AGPAT5: variants seen among roughly 807,000 people sequenced by gnomAD.
AGPAT5 encodes 1-acyl-sn-glycerol-3-phosphate acyltransferase epsilon.
Under a neutral mutation model 45.6 loss-of-function variants are expected in AGPAT5, and 46 were observed. The ratio of observed to expected loss-of-function variants is 1.01; its 90% confidence interval spans 0.80 to 1.29. The LOEUF is 1.29. Among genes scored for constraint, AGPAT5 ranks in the 50% most tolerant of loss-of-function variants. The pLI, the probability that AGPAT5 is intolerant of heterozygous loss-of-function variation, is 0.00. For synonymous variants in AGPAT5, 272 were observed against 167.0 expected (o/e 1.63, Z -4.85); for missense variants, 673 against 450.7 (o/e 1.49, Z -4.47).
At chr8:6,727,812 G>T (rs1800737662) in intron 2 of AGPAT5, among the ~76,000 whole-genome samples, 1 of 152,210 alleles carries the variant, frequency 6.6e-6, no homozygotes, top group South Asian at 2.1e-4. Flanking sequence ...AGAGACCCAG[G>T]TTCCTGTTCG....
chr8:6,757,536 C>G lies in AGPAT5; in HGVS notation c.*148C>G, dbSNP rs979075314. The G allele has an allele frequency of 1.3e-5, 9 of 667,524 alleles. No homozygotes were observed. The highest frequency in any genetic ancestry group is 2.3e-5 in the Non-Finnish European group (9 of 395,646). 41.4% of individuals were successfully genotyped at this position (667,524 alleles called of 1,614,324 possible). A position where few individuals can be genotyped will look rare whatever the true frequency, so the allele number is the denominator to read the frequency against. ...TGGATAATAGAATTTGTGACGAAAG[C>G]TGATATGCAATGGTCTTGGGCAAAC... On this transcript the variant is annotated 3_prime_UTR_variant, in exon 8 of 8. Coordinates refer to ENST00000285518, the MANE Select transcript of AGPAT5 (RefSeq NM_018361.5).
At chr8:6,714,740 C>G (rs556673139) in intron 1 of AGPAT5, among the ~76,000 whole-genome samples, 2 of 152,268 alleles carry the variant, frequency 1.3e-5, no homozygotes, top group Non-Finnish European at 2.9e-5. Context: ...GTTAAATGAA[C>G]TTCTTACAGA....
chr8:6,746,489 C>T (rs1391913266), intron 5 of AGPAT5, among the ~76,000 whole-genome samples: 2 of 152,294 alleles, frequency 1.3e-5, no homozygotes, highest in South Asian at 4.1e-4. Context: ...TATTTTGAAA[C>T]TTTGGACTTC....
At chr8:6,711,285 C>A (rs1012940187) in intron 1 of AGPAT5, among the ~76,000 whole-genome samples, 1 of 152,166 alleles carries the variant, frequency 6.6e-6, no homozygotes, top group Non-Finnish European at 1.5e-5. Flanking sequence ...TTGGATTTTT[C>A]TTGGATTCTG....
chr8:6,713,644 C>T (rs1272042762), intron 1 of AGPAT5, among the ~76,000 whole-genome samples: 2 of 152,168 alleles, frequency 1.3e-5, no homozygotes, highest in Non-Finnish European at 2.9e-5. Context: ...AACCTCTGCC[C>T]CCGGGCTCAA....
rs148058456 is a variant in AGPAT5 at position 6,710,287 on chromosome 8, C to T, written c.219+1400C>T. ...AGTGTTTCTGAAATTGCATACCTTA[C>T]CTGATGTTCAGAGATCCGATTTACT... On this transcript the variant is annotated intron_variant, in intron 1 of 7. Transcript: ENST00000285518. Among the ~76,000 whole-genome samples the T allele has an allele frequency of 1.3e-3, 196 of 152,202 alleles. 1 individual carries two copies. The highest frequency in any genetic ancestry group is 7.7e-3 in the South Asian group (37 of 4,830).
At chr8:6,748,141 C>G (rs2912078) in intron 6 of AGPAT5, among the ~76,000 whole-genome samples, 3 of 151,822 alleles carry the variant, frequency 2.0e-5, no homozygotes, top group African/African-American at 7.3e-5. Flanking sequence ...GGAGCACGCC[C>G]GGCAGTACTG....
At chr8:6,710,864 T>A (rs568070907) in intron 1 of AGPAT5, among the ~76,000 whole-genome samples, 3 of 152,322 alleles carry the variant, frequency 2.0e-5, no homozygotes, top group African/African-American at 7.2e-5. Flanking sequence ...GTCACTGAGA[T>A]GTTTTGATTA....
At chr8:6,724,228 G>C (rs1169229689) in intron 1 of AGPAT5, among the ~76,000 whole-genome samples, 3 of 152,108 alleles carry the variant, frequency 2.0e-5, no homozygotes, top group Non-Finnish European at 4.4e-5. Context: ...TGCCATTCCA[G>C]TTCAGAGCCA....
At chr8:6,709,516 C>T (rs1002933692) in intron 1 of AGPAT5, 4 of 151,050 alleles carry the variant, frequency 2.6e-5, no homozygotes, top group African/African-American at 9.7e-5. Flanking sequence ...AGAAACAAAC[C>T]ATAAAAGTGG....
intron 1 of AGPAT5, among the ~76,000 whole-genome samples, chr8:6,712,789 C>T (rs1401618774): frequency 6.6e-6 from 1 of 152,186 alleles, no homozygotes; most frequent in East Asian, 1.9e-4. Context: ...TAAACAATAA[C>T]TGTAATCGTT....
At chr8:6,721,362 A>T (rs1412174443) in intron 1 of AGPAT5, among the ~76,000 whole-genome samples, 1 of 152,228 alleles carries the variant, frequency 6.6e-6, no homozygotes, top group Non-Finnish European at 1.5e-5. Context: ...CTGGGGAGAG[A>T]TAGACTAGCT....
At chr8:6,754,773 C>G (rs1450600843) in intron 6 of AGPAT5, among the ~76,000 whole-genome samples, 2 of 152,098 alleles carry the variant, frequency 1.3e-5, no homozygotes, top group Non-Finnish European at 2.9e-5. Flanking sequence ...AAAGTTGTCA[C>G]ATGAAAAATA....
At chr8:6,712,713 G>C (rs28373026) in intron 1 of AGPAT5, among the ~76,000 whole-genome samples, 5,747 of 152,254 alleles carry the variant, frequency 0.038, 247 homozygotes, top group East Asian at 0.13. Flanking sequence ...CTAGATTTAT[G>C]TTAGTTTATA....
chr8:6,758,039 A>G lies in AGPAT5; in HGVS notation c.*651A>G, dbSNP rs1165157547. 1 of 152,236 alleles carries G rather than the reference A, an allele frequency of 6.6e-6. No individual in the cohort carries two copies. The allele number at this position is 152,236 out of a possible 1,614,324, so 9.4% of individuals were successfully genotyped here. A position where few individuals can be genotyped will look rare whatever the true frequency, so the allele number is the denominator to read the frequency against. On this transcript the variant is annotated 3_prime_UTR_variant, in exon 8 of 8. Transcript: ENST00000285518. ...ATTGCTTAATTTGCACACCCTGTAC[A>G]CACAGAAAATGGTATAAAATATGAG... is the stretch of plus-strand genomic sequence containing the variant.
intron 1 of AGPAT5, among the ~76,000 whole-genome samples, chr8:6,717,120 A>G (rs1389879077): frequency 1.3e-5 from 2 of 152,240 alleles, no homozygotes; most frequent in Admixed American, 1.3e-4. Context: ...TCACGCAGCC[A>G]GCAGTGCAGA....
At chr8:6,754,473 A>G (rs751169461) in intron 6 of AGPAT5, among the ~76,000 whole-genome samples, 1 of 152,232 alleles carries the variant, frequency 6.6e-6, no homozygotes, top group Non-Finnish European at 1.5e-5. Context: ...GCTGTGTAGC[A>G]GTCAGTGACG....
chr8:6,742,365 T>C (rs1036128605), intron 5 of AGPAT5, among the ~76,000 whole-genome samples: 1 of 152,234 alleles, frequency 6.6e-6, no homozygotes, highest in Non-Finnish European at 1.5e-5. Flanking sequence ...AATTGAATAA[T>C]TGGTACACCA....
intron 5 of AGPAT5, chr8:6,745,085 C>G (rs192941762): frequency 1.2e-4 from 19 of 152,556 alleles, no homozygotes; most frequent in African/African-American, 3.8e-4. Context: ...AGTTATATTT[C>G]TCTGGAAAGA....
Sources: gnomAD v4.1 joint callset for allele counts (sites outside exome capture counted in the v4.1 genomes callset) on GRCh38, gnomAD v4.1.1 for gene constraint, MANE v1.5 for transcripts, NCBI Gene and HGNC (gene_info 2026-07-23, HGNC 2026-07-21) for gene names.